The following RPS6KC1 variants were observed in gnomAD, a reference collection of about 807,000 sequenced individuals.
RPS6KC1 encodes the protein ribosomal protein S6 kinase C1.
Under a neutral mutation model 103.8 loss-of-function variants are expected in RPS6KC1, and 54 were observed. That is an observed-to-expected ratio of 0.52 (90% CI 0.42 to 0.65). The LOEUF is 0.65. Among genes scored for constraint, RPS6KC1 ranks in the 30% least tolerant of loss-of-function variants. The pLI, the probability that RPS6KC1 is intolerant of heterozygous loss-of-function variation, is 0.00. For synonymous variants in RPS6KC1, 439 were observed against 438.7 expected, an observed-to-expected ratio of 1.00 and a Z score of -0.01; for missense variants, 1,151 against 1,253.8, an observed-to-expected ratio of 0.92 and a Z score of 1.24.
At chr1:213,196,280 CT>C (rs1471631711) in intron 8 of RPS6KC1, among the ~76,000 whole-genome samples, 13 of 151,938 alleles carry the variant, frequency 8.6e-5, no homozygotes, top group Admixed American at 8.5e-4. Context: ...TGAATATCTT[CT>C]TTTGAGAATT....
intron 4 of RPS6KC1, among the ~76,000 whole-genome samples, chr1:213,111,139 A>G (rs1218153495): frequency 2.0e-5 from 3 of 151,866 alleles, no homozygotes; most frequent in Non-Finnish European, 4.4e-5. Context: ...TTTCTCGGTA[A>G]CCACTCTTTC....
At chr1:213,724,385 T>C in the RPS6KC1 span, among the ~76,000 whole-genome samples, 1 of 152,220 alleles carries the variant, frequency 6.6e-6, no homozygotes, top group Non-Finnish European at 1.5e-5. Flanking sequence ...CAGCCTTTTG[T>C]AGCTTTCTTA....
the RPS6KC1 span, among the ~76,000 whole-genome samples, chr1:213,449,907 C>G: frequency 3.3e-5 from 5 of 152,148 alleles, no homozygotes; most frequent in African/African-American, 1.2e-4. Context: ...GAAATTATTC[C>G]AGGCTTTATG....
At chr1:213,070,669 C>G (rs551555570) in intron 1 of RPS6KC1, among the ~76,000 whole-genome samples, 218 of 152,310 alleles carry the variant, frequency 1.4e-3, no homozygotes, top group African/African-American at 5.0e-3. Context: ...ACAGTTGGCT[C>G]TCTTTGGCCA....
At chr1:213,622,219 C>T in the RPS6KC1 span, among the ~76,000 whole-genome samples, 2 of 141,384 alleles carry the variant, frequency 1.4e-5, no homozygotes, top group Non-Finnish European at 3.0e-5. Context: ...TTACCCTGCT[C>T]GGGGACAAGT....
the RPS6KC1 span, among the ~76,000 whole-genome samples, chr1:213,567,996 T>TG: frequency 2.6e-5 from 4 of 152,346 alleles, no homozygotes; most frequent in African/African-American, 9.6e-5. Flanking sequence ...GCTTGCAGAC[T>TG]GGCTGGAAGA....
the RPS6KC1 span, among the ~76,000 whole-genome samples, chr1:213,534,901 T>C: frequency 6.6e-6 from 1 of 152,182 alleles, no homozygotes; most frequent in African/African-American, 2.4e-5. Flanking sequence ...TCCTCTTCCA[T>C]GCTCTCAGCG....
chr1:213,054,721 A>C (rs74542461), intron 1 of RPS6KC1, among the ~76,000 whole-genome samples: 2,893 of 152,276 alleles, frequency 0.019, 96 homozygotes, highest in African/African-American at 0.064. Context: ...CAGTTCTCTG[A>C]AATCTGGCAA....
chr1:213,187,238 TTTC>T (rs1302675938), intron 8 of RPS6KC1, among the ~76,000 whole-genome samples: 42 of 151,422 alleles, frequency 2.8e-4, no homozygotes, highest in Admixed American at 1.7e-3. Flanking sequence ...TTTAAATTTT[TTTC>T]TTCTTCTTCT....
chr1:213,138,502 C>T (rs1485325913), intron 6 of RPS6KC1, among the ~76,000 whole-genome samples: 1 of 152,038 alleles, frequency 6.6e-6, no homozygotes, highest in East Asian at 1.9e-4. Flanking sequence ...CAGTCCTCAC[C>T]CTCCTCCCAC....
At chr1:213,211,624 C>A (rs2093509465) in intron 8 of RPS6KC1, among the ~76,000 whole-genome samples, 1 of 152,120 alleles carries the variant, frequency 6.6e-6, no homozygotes, top group African/African-American at 2.4e-5. Flanking sequence ...AAGTAAAATT[C>A]TTTTTACATA....
chr1:213,099,247 CT>C (rs1168795934), intron 3 of RPS6KC1, among the ~76,000 whole-genome samples: 1 of 152,088 alleles, frequency 6.6e-6, no homozygotes, highest in African/African-American at 2.4e-5. Flanking sequence ...TAAAATTCAT[CT>C]GTGTTTTTTC....
At chr1:213,716,488 T>A in the RPS6KC1 span, among the ~76,000 whole-genome samples, 1 of 152,216 alleles carries the variant, frequency 6.6e-6, no homozygotes, top group African/African-American at 2.4e-5. Context: ...AGGCCTCCTG[T>A]GAATAAAGTA....
the RPS6KC1 span, among the ~76,000 whole-genome samples, chr1:213,496,054 C>T: frequency 1.3e-5 from 2 of 151,432 alleles, no homozygotes; most frequent in Non-Finnish European, 2.9e-5. Flanking sequence ...TTGAATCTGA[C>T]AGTTAGGGAA....
rs1284210994 is a variant in RPS6KC1 at position 213,232,222 on chromosome 1, G to A, written c.1192G>A (p.Glu398Lys). 2 of 1,614,002 alleles carry A rather than the reference G, an allele frequency of 1.2e-6. No homozygotes were observed. Among genetic ancestry groups the A allele is most frequent in the Admixed American group, 3.3e-5 (2 of 60,020 alleles). ...VCLHKYIISE[E>K]SVFLVLQHAE... The stretch of plus-strand genomic sequence containing the variant: ...TCTGCATAAGTACATCATCTCTGAG[G>A]AGTCAGTATTTCTTGTGCTGCAGCA... The change falls in exon 10 of 15, where the codon GAG (glutamate) becomes AAG (lysine). Residue 398 changes from glutamate (E) to lysine (K), a missense_variant. By Grantham distance (56) the Glu-to-Lys change is moderately conservative. Transcript: ENST00000366960.
chr1:213,391,992 C>T, the RPS6KC1 span, among the ~76,000 whole-genome samples: 1 of 152,114 alleles, frequency 6.6e-6, no homozygotes, highest in Non-Finnish European at 1.5e-5. Flanking sequence ...CATAGTTACT[C>T]TTAGCAATTT....
chr1:213,767,221 C>T, the RPS6KC1 span, among the ~76,000 whole-genome samples: 278 of 152,330 alleles, frequency 1.8e-3, 1 homozygote, highest in Middle Eastern at 0.014. Flanking sequence ...CGCTATCTCT[C>T]CACTGGCTAA....
At chr1:213,554,722 G>A in the RPS6KC1 span, among the ~76,000 whole-genome samples, 4 of 151,940 alleles carry the variant, frequency 2.6e-5, no homozygotes, top group East Asian at 3.9e-4. Flanking sequence ...TTTAACCACC[G>A]TTCTGATTAT....
At chr1:213,310,244 C>G in the RPS6KC1 span, among the ~76,000 whole-genome samples, 2 of 152,304 alleles carry the variant, frequency 1.3e-5, no homozygotes, top group East Asian at 1.9e-4. Flanking sequence ...CTCCTCTGCT[C>G]ATAACTTCCA....
Sources: allele counts gnomAD v4.1 joint callset (sites outside exome capture counted in the v4.1 genomes callset), GRCh38; gene constraint gnomAD v4.1.1; transcripts MANE v1.5; gene names NCBI Gene and HGNC (gene_info 2026-07-23, HGNC 2026-07-21).